The following ZYG11B variants were observed in gnomAD, a reference collection of about 807,000 sequenced individuals.
ZYG11B encodes protein zyg-11 homolog B.
In ZYG11B, 36 loss-of-function variants were observed where a neutral mutation model predicts 82.4. The observed-to-expected ratio is 0.44, with a 90% CI of 0.33 to 0.58. The LOEUF is 0.58. Among genes scored for constraint, ZYG11B ranks in the 20% least tolerant of loss-of-function variants. The probability of loss-of-function intolerance (pLI) is 0.02; values close to 1 mark genes in which losing one functional copy is unlikely to be tolerated. For synonymous variants in ZYG11B, 303 were observed against 312.8 expected, an observed-to-expected ratio of 0.97 and a Z score of 0.33; for missense variants, 552 against 895.6, an observed-to-expected ratio of 0.62 and a Z score of 4.90.
At chr1:52,762,925 A>G (rs1413989264) in intron 2 of ZYG11B, among the ~76,000 whole-genome samples, 1 of 136,384 alleles carries the variant, frequency 7.3e-6, no homozygotes, top group East Asian at 2.5e-4. Flanking sequence ...TTTGGGTCTT[A>G]CATTTAGGTC....
At chr1:52,744,304 C>G (rs1381985824) in intron 1 of ZYG11B, among the ~76,000 whole-genome samples, 2 of 152,180 alleles carry the variant, frequency 1.3e-5, no homozygotes, top group Non-Finnish European at 2.9e-5. Context: ...CTACAGTATT[C>G]AGTACAGTAA....
chr1:52,797,840 G>T (rs1317272394), intron 8 of ZYG11B, among the ~76,000 whole-genome samples: 1 of 149,912 alleles, frequency 6.7e-6, no homozygotes, highest in African/African-American at 2.4e-5. Context: ...AATTTTTTGT[G>T]GCTAGGCATG....
chr1:52,802,173 C>T, intron 10 of ZYG11B, 34 bp downstream of exon 10: 1 of 1,587,746 alleles, frequency 6.3e-7, no homozygotes, highest in Non-Finnish European at 8.5e-7. Flanking sequence ...AAGTTCCAAG[C>T]TATATTTATT....
Position 52,813,709 on chromosome 1 carries a change from G to C in ZYG11B, c.1869G>C (p.Gln623His). The C allele has an allele frequency of 6.2e-7, 1 of 1,614,138 alleles. No homozygotes were observed. Among genetic ancestry groups the C allele is most frequent in the Non-Finnish European group, 8.5e-7 (1 of 1,180,028 alleles). The change falls in exon 11 of 14, where the codon CAG becomes CAC. Residue 623 changes from glutamine to histidine, a missense_variant. This residue lies in a region of ZYG11B where 127 missense variants were observed against 163.4 expected (regional missense o/e 0.78). Transcript: ENST00000294353. ...GEQAWTLSRS[Q>H]RNSLLDDLHS... Reference sequence around the variant, plus strand: ...AAGCTTGGACATTGAGTCGTAGCCAGAGGAATTCTCTGCTGGATGATTTGG... The same window carrying C: ...AAGCTTGGACATTGAGTCGTAGCCACAGGAATTCTCTGCTGGATGATTTGG...
At chr1:52,769,096 T>C (rs1394391040) in intron 2 of ZYG11B, among the ~76,000 whole-genome samples, 1 of 152,216 alleles carries the variant, frequency 6.6e-6, no homozygotes, top group Non-Finnish European at 1.5e-5. Flanking sequence ...TTTTACTCCA[T>C]GGGATTATGA....
chr1:52,794,591 A>G lies in ZYG11B; in HGVS notation c.1335-1701A>G, dbSNP rs914469704. Among the ~76,000 whole-genome samples the G allele has an allele frequency of 2.6e-5, 4 of 152,132 alleles. No homozygotes were observed. In the South Asian group the frequency reaches 8.3e-4, roughly 32 times the overall value. On this transcript the variant is annotated intron_variant, in intron 6 of 13. Coordinates refer to ENST00000294353, the MANE Select transcript of ZYG11B (RefSeq NM_024646.3). ...CACAGGCCAAATGGGGATTCAAGTG[A>G]GTGTGCAGATGACTGTGGATCTCTG...
intron 12 of ZYG11B, among the ~76,000 whole-genome samples, chr1:52,814,301 G>A (rs1285564700): frequency 1.3e-5 from 2 of 152,134 alleles, no homozygotes; most frequent in African/African-American, 2.4e-5. Context: ...GATTACAGGC[G>A]TGAGCCACCA....
chr1:52,738,198 T>C (rs535198953), intron 1 of ZYG11B, among the ~76,000 whole-genome samples: 53 of 152,286 alleles, frequency 3.5e-4, no homozygotes, highest in African/African-American at 1.3e-3. Context: ...TAAAAACTTT[T>C]ATTAACTTTT....
intron 6 of ZYG11B, among the ~76,000 whole-genome samples, chr1:52,793,901 T>TTCC (rs10660798): frequency 3.7e-4 from 42 of 112,986 alleles, no homozygotes; most frequent in East Asian, 1.1e-3. Context: ...CCTTCCTTCC[T>TTCC]TTCTTTCCTT....
At chr1:52,750,243 G>A (rs952860819) in intron 1 of ZYG11B, among the ~76,000 whole-genome samples, 4 of 150,662 alleles carry the variant, frequency 2.7e-5, no homozygotes, top group African/African-American at 9.8e-5. Context: ...GCTTGCAAGT[G>A]TGAGCCACTC....
chr1:52,803,281 T>C (rs150373008), intron 10 of ZYG11B, among the ~76,000 whole-genome samples: 1,628 of 98,058 alleles, frequency 0.017, 144 homozygotes, highest in East Asian at 0.16. Flanking sequence ...CACACACACA[T>C]ATATATATAT....
chr1:52,757,496 C>T (rs1448931048), intron 2 of ZYG11B, among the ~76,000 whole-genome samples: 7 of 151,668 alleles, frequency 4.6e-5, no homozygotes, highest in Non-Finnish European at 1.0e-4. Flanking sequence ...GCCAAGATGG[C>T]GAAACCCCAT....
chr1:52,730,502 G>GT (rs1644321459), intron 1 of ZYG11B, among the ~76,000 whole-genome samples: 2 of 151,944 alleles, frequency 1.3e-5, no homozygotes, highest in Admixed American at 1.3e-4. Flanking sequence ...CTGATTTTTT[G>GT]TTTTTGTGTA....
intron 2 of ZYG11B, among the ~76,000 whole-genome samples, chr1:52,767,206 G>T (rs1644702157): frequency 6.8e-6 from 1 of 146,934 alleles, no homozygotes; most frequent in Non-Finnish European, 1.5e-5. Flanking sequence ...ATTTTATTTT[G>T]TTATTTTATG....
chr1:52,733,093 C>A (rs1644347638), intron 1 of ZYG11B, among the ~76,000 whole-genome samples: 1 of 152,114 alleles, frequency 6.6e-6, no homozygotes, highest in Non-Finnish European at 1.5e-5. Flanking sequence ...AATTTACAAA[C>A]AAGCCTCAGC....
At chr1:52,739,408 G>A (rs900390335) in intron 1 of ZYG11B, among the ~76,000 whole-genome samples, 2 of 152,086 alleles carry the variant, frequency 1.3e-5, no homozygotes, top group Non-Finnish European at 2.9e-5. Context: ...TAAAGAAAAG[G>A]TAGTAAGATT....
At chr1:52,795,309 T>C (rs1444719239) in intron 6 of ZYG11B, among the ~76,000 whole-genome samples, 1 of 152,172 alleles carries the variant, frequency 6.6e-6, no homozygotes, top group East Asian at 1.9e-4. Context: ...TCCACCATGA[T>C]TGCAAGTTTC....
At chr1:52,806,730 A>G (rs1645144560) in intron 10 of ZYG11B, among the ~76,000 whole-genome samples, 1 of 152,172 alleles carries the variant, frequency 6.6e-6, no homozygotes, top group African/African-American at 2.4e-5. Flanking sequence ...TCTTGTAGAT[A>G]GCATATACCT....
intron 1 of ZYG11B, 58 bp from the exon 2 acceptor site, chr1:52,756,400 T>A: frequency 6.5e-7 from 1 of 1,531,678 alleles, no homozygotes; most frequent in South Asian, 1.2e-5. Flanking sequence ...TCTCTGCTTT[T>A]CTGGAAACTA....
Sources: allele counts gnomAD v4.1 joint callset (sites outside exome capture counted in the v4.1 genomes callset), GRCh38; gene constraint gnomAD v4.1.1; regional missense constraint gnomAD v4.1.1; transcripts MANE v1.5; gene names NCBI Gene and HGNC (gene_info 2026-07-23, HGNC 2026-07-21).